ASTN2: variants seen among roughly 807,000 people sequenced by gnomAD.
ASTN2 encodes astrotactin-2.
A neutral mutation model predicts 139.8 loss-of-function variants in ASTN2; 54 were observed. That is an observed-to-expected ratio of 0.39 (90% CI 0.31 to 0.48). The LOEUF (loss-of-function observed/expected upper bound fraction) is 0.48, where lower values mean the gene tolerates loss of function less well. Among genes scored for constraint, ASTN2 ranks in the 20% least tolerant of loss-of-function variants. The probability of loss-of-function intolerance (pLI) is 0.95; values close to 1 mark genes in which losing one functional copy is unlikely to be tolerated. For missense variants in ASTN2, 1,565 were observed against 1,725.1 expected (o/e 0.91, Z 1.64); for synonymous variants, 756 against 719.5 (o/e 1.05, Z -0.81).
intron 1 of ASTN2, among the ~76,000 whole-genome samples, chr9:117,344,109 G>C (rs1406485135): frequency 6.6e-6 from 1 of 151,968 alleles, no homozygotes; most frequent in African/African-American, 2.4e-5. Flanking sequence ...GGGGAGGTGG[G>C]AAAGGAGATC....
intron 13 of ASTN2, among the ~76,000 whole-genome samples, chr9:116,805,426 A>G (rs1831004210): frequency 6.6e-6 from 1 of 152,152 alleles, no homozygotes; most frequent in South Asian, 2.1e-4. Flanking sequence ...GCAAAGTGGG[A>G]CAAATATATG....
intron 6 of ASTN2, among the ~76,000 whole-genome samples, chr9:117,020,048 G>GTA (rs1837832334): frequency 6.8e-6 from 1 of 148,078 alleles, no homozygotes; most frequent in Admixed American, 6.7e-5. Context: ...GTGTGTGTAT[G>GTA]TGTGTGTGTG....
intron 16 of ASTN2, among the ~76,000 whole-genome samples, chr9:116,683,400 C>T (rs577313254): frequency 7.2e-5 from 11 of 152,090 alleles, no homozygotes; most frequent in Non-Finnish European, 1.5e-4. Context: ...GTGTTGTATG[C>T]CACAGAAGTA....
chr9:116,770,055 T>A (rs920586), intron 13 of ASTN2, among the ~76,000 whole-genome samples: 130,702 of 150,266 alleles, frequency 0.87, 58,056 homozygotes, highest in Non-Finnish European at 0.96. Flanking sequence ...GTGAATGACA[T>A]AAGAATACTG....
chr9:117,354,490 T>C (rs1429553814), intron 1 of ASTN2, among the ~76,000 whole-genome samples: 2 of 152,324 alleles, frequency 1.3e-5, no homozygotes, highest in East Asian at 3.9e-4. Context: ...CCTTTTTGAA[T>C]ACTTTCTTGA....
intron 2 of ASTN2, among the ~76,000 whole-genome samples, chr9:117,237,021 G>A (rs890126448): frequency 6.6e-6 from 1 of 152,072 alleles, no homozygotes; most frequent in African/African-American, 2.4e-5. Flanking sequence ...TATAAAATGT[G>A]GAACAATGCC....
intron 1 of ASTN2, among the ~76,000 whole-genome samples, chr9:117,341,744 G>A (rs1829066909): frequency 6.6e-6 from 1 of 152,152 alleles, no homozygotes; most frequent in African/African-American, 2.4e-5. Context: ...AGACTCACTA[G>A]CTCTATTGTG....
At chr9:116,774,514 G>C (rs960125727) in intron 13 of ASTN2, among the ~76,000 whole-genome samples, 1 of 151,698 alleles carries the variant, frequency 6.6e-6, no homozygotes, top group Non-Finnish European at 1.5e-5. Flanking sequence ...AGCTTTTTTT[G>C]CATTATTCCA....
At chr9:117,223,873 G>A (rs4628318) in intron 2 of ASTN2, among the ~76,000 whole-genome samples, 83,079 of 152,016 alleles carry the variant, frequency 0.55, 23,560 homozygotes, top group East Asian at 0.91. Flanking sequence ...AAAGAAACAT[G>A]TTTCTCTTTA....
chr9:117,377,552 C>T (rs1424711194), intron 1 of ASTN2, among the ~76,000 whole-genome samples: 2 of 152,038 alleles, frequency 1.3e-5, no homozygotes, highest in Non-Finnish European at 2.9e-5. Context: ...GAGGGCATTT[C>T]AGCAATATCT....
At chr9:117,095,519 C>G (rs1279662534) in intron 5 of ASTN2, among the ~76,000 whole-genome samples, 1 of 152,140 alleles carries the variant, frequency 6.6e-6, no homozygotes, top group African/African-American at 2.4e-5. Context: ...AAGTTGAGGA[C>G]TTTACCTCTG....
chr9:116,766,813 T>C (rs1829822796), intron 13 of ASTN2, among the ~76,000 whole-genome samples: 1 of 147,362 alleles, frequency 6.8e-6, no homozygotes, highest in Non-Finnish European at 1.5e-5. Context: ...TTCATACACA[T>C]ATGCTTGAAC....
intron 10 of ASTN2, among the ~76,000 whole-genome samples, chr9:116,893,808 CT>C (rs201178353): frequency 0.014 from 2,072 of 152,226 alleles, 19 homozygotes; most frequent in Non-Finnish European, 0.019. Context: ...TCCATAATTG[CT>C]TTCTCTATCC....
At chr9:117,064,141 A>T (rs987138784) in intron 5 of ASTN2, among the ~76,000 whole-genome samples, 1 of 151,976 alleles carries the variant, frequency 6.6e-6, no homozygotes, top group East Asian at 2.0e-4. Context: ...ACGCAGAAAC[A>T]TCTCAAGGTG....
intron 7 of ASTN2, among the ~76,000 whole-genome samples, chr9:116,988,870 GC>G (rs1780465463): frequency 6.6e-6 from 1 of 152,046 alleles, no homozygotes; most frequent in African/African-American, 2.4e-5. Flanking sequence ...TTGCTGGGTG[GC>G]CTTACTCAAG....
chr9:116,786,894 C>A (rs1830393255), intron 13 of ASTN2, among the ~76,000 whole-genome samples: 1 of 152,050 alleles, frequency 6.6e-6, no homozygotes, highest in African/African-American at 2.4e-5. Context: ...GCCATTTCCC[C>A]CATCCTGTTC....
At chr9:116,780,388 GT>G (rs1250832789) in intron 13 of ASTN2, among the ~76,000 whole-genome samples, 1 of 152,138 alleles carries the variant, frequency 6.6e-6, no homozygotes, top group Non-Finnish European at 1.5e-5. Context: ...AAGTCTAGGC[GT>G]TCTCATTCTG....
intron 19 of ASTN2, among the ~76,000 whole-genome samples, chr9:116,537,857 G>C (rs1406963734): frequency 6.6e-6 from 1 of 152,096 alleles, no homozygotes; most frequent in Non-Finnish European, 1.5e-5. Flanking sequence ...ATGAAAGCAG[G>C]GATTAGGAGA....
intron 5 of ASTN2, among the ~76,000 whole-genome samples, chr9:117,084,354 C>T (rs1016905328): frequency 6.6e-6 from 1 of 152,112 alleles, no homozygotes; most frequent in East Asian, 1.9e-4. Context: ...TCCCACAAAC[C>T]ACAAACAGCT....
Sources: allele counts gnomAD v4.1 joint callset (sites outside exome capture counted in the v4.1 genomes callset), GRCh38; gene constraint gnomAD v4.1.1; transcripts MANE v1.5; gene names NCBI Gene and HGNC (gene_info 2026-07-23, HGNC 2026-07-21).